RCBTB2: variants seen among roughly 807,000 people sequenced by gnomAD.
RCBTB2 encodes the protein RCC1 and BTB domain-containing protein 2.
A neutral mutation model predicts 65.4 loss-of-function variants in RCBTB2; 55 were observed. The observed-to-expected ratio is 0.84, with a 90% CI of 0.68 to 1.05. RCBTB2 has a LOEUF of 1.05. Ranked by LOEUF, RCBTB2 falls within the 50% of genes least tolerant of loss-of-function variation. RCBTB2 has a pLI of 0.00. For missense variants in RCBTB2, 599 were observed against 680.1 expected, an observed-to-expected ratio of 0.88 and a Z score of 1.33; for synonymous variants, 220 against 255.2, an observed-to-expected ratio of 0.86 and a Z score of 1.31.
At position 48,511,822 on chromosome 13, in the gene RCBTB2, T is replaced by G. The variant is rs779364315; in HGVS notation, c.731A>C (p.Asn244Thr). ...TGCCACTCTGCAAGGGGTTGGCTGG[T>G]TGCCACTGTTGCCGAGTCCAAGCTG... ...NGQLGLGNSG[N>T]QPTPCRVAAL... Residue 244 changes from asparagine to threonine, a missense_variant, in exon 9 of 15, where the codon AAC becomes ACC. Coordinates refer to ENST00000344532, the MANE Select transcript of RCBTB2 (RefSeq NM_001268.4). 1 of 1,614,202 alleles carries G rather than the reference T, an allele frequency of 6.2e-7. No homozygotes were observed. Among genetic ancestry groups the G allele is most frequent in the Non-Finnish European group, 8.5e-7 (1 of 1,180,038 alleles).
At chr13:48,515,471 C>T (rs1268002424) in intron 5 of RCBTB2, 115 bp downstream of exon 5, 1 of 1,370,214 alleles carries the variant, frequency 7.3e-7, no homozygotes, top group Admixed American at 2.3e-5. Flanking sequence ...ATAAATAAAA[C>T]CTAATTTCCA....
At position 48,510,691 on chromosome 13, in the gene RCBTB2, C is replaced by A. The variant is rs1271637290; in HGVS notation, c.864G>T (p.Gln288His). Residue 288 changes from glutamine to histidine, a missense_variant, in exon 10 of 15, where the codon CAG becomes CAT. Gln to His is a conservative substitution (Grantham distance 24, BLOSUM62 0). Transcript: ENST00000344532. ...GGTTGCTTTTATTGCCAGTGCCCAACTGCCCATAAGAATTGGCGCCCCAAG... is the reference window on the plus strand; with the variant it reads ...GGTTGCTTTTATTGCCAGTGCCCAAATGCCCATAAGAATTGGCGCCCCAAG... ...VYAWGANSYG[Q>H]LGTGNKSNQS... is the part of the protein sequence containing the mutation. 2 of 1,614,098 alleles carry A rather than the reference C, an allele frequency of 1.2e-6. No homozygotes were observed. Among genetic ancestry groups the A allele is most frequent in the African/African-American group, 2.7e-5 (2 of 74,920 alleles).
At chr13:48,515,840 G>A (rs1951057436) in intron 4 of RCBTB2, 99 bp from the exon 5 acceptor site, 3 of 1,197,146 alleles carry the variant, frequency 2.5e-6, no homozygotes, top group Non-Finnish European at 3.5e-6. Context: ...GTTTTGGGAG[G>A]AACACACTGC....
chr13:48,515,974 AAGGACAC>A (rs1235031230), intron 4 of RCBTB2, among the ~76,000 whole-genome samples: 1 of 152,210 alleles, frequency 6.6e-6, no homozygotes, highest in Non-Finnish European at 1.5e-5. Context: ...CATTGTCCTC[AAGGACAC>A]AGGAGTCATC....
chr13:48,521,912 C>T lies in RCBTB2; in HGVS notation c.28G>A (p.Gly10Arg), dbSNP rs769759923. The change falls in exon 4 of 15, where the codon GGA becomes AGA. Residue 10 changes from glycine to arginine, a missense_variant. Physicochemically the swap from Gly to Arg is moderately radical, Grantham distance 125 (BLOSUM62 -2). Coordinates refer to ENST00000344532, the MANE Select transcript of RCBTB2 (RefSeq NM_001268.4). The part of the protein sequence containing the change: MEEELPLFS[G>R]DSGKPVQATL... Reference sequence around the variant, plus strand: ...TTTTTTCTAACCTTGCCACTGTCTCCAGAGAAAAGAGGAAGTTCTTCTTCC... The same window carrying T: ...TTTTTTCTAACCTTGCCACTGTCTCTAGAGAAAAGAGGAAGTTCTTCTTCC... The T allele has an allele frequency of 6.8e-6, 11 of 1,613,616 alleles. No individual in the cohort carries two copies. The highest frequency in any genetic ancestry group is 1.7e-5 in the Admixed American group (1 of 59,992).
intron 2 of RCBTB2, among the ~76,000 whole-genome samples, chr13:48,524,085 T>C (rs1951571271): frequency 6.6e-6 from 1 of 152,116 alleles, no homozygotes; most frequent in African/African-American, 2.4e-5. Context: ...GTGTTTTGAA[T>C]TTTTTAGCAT....
At position 48,515,603 on chromosome 13, in the gene RCBTB2, T is replaced by C; in HGVS notation, c.181A>G (p.Thr61Ala). Residue 61 changes from threonine to alanine, a missense_variant, in exon 5 of 15, where the codon ACT becomes GCT. By Grantham distance (58) the Thr-to-Ala change is moderately conservative (BLOSUM62 0). Transcript: ENST00000344532. ...FGSAGNEVLY[T>A]TVNDEIFVLG... ...AAAATTACCTCATCATTTACTGTAGTGTATAAAACTTCATTGCCAGCACTG... is the reference window on the plus strand; with the variant it reads ...AAAATTACCTCATCATTTACTGTAGCGTATAAAACTTCATTGCCAGCACTG... 6.2e-7 allele frequency: 1 copy of C among 1,606,614 alleles called. No homozygotes were observed. The highest frequency in any genetic ancestry group is 8.5e-7 in the Non-Finnish European group (1 of 1,177,960).
intron 1 of RCBTB2, 76 bp from the exon 2 acceptor site, chr13:48,524,833 A>C (rs1951618182): frequency 6.6e-6 from 1 of 152,182 alleles, no homozygotes; most frequent in Non-Finnish European, 1.5e-5. Context: ...TGCACATTTA[A>C]CAATCCATTC....
chr13:48,512,023 G>A lies in RCBTB2; in HGVS notation c.668C>T (p.Thr223Met), dbSNP rs759646007. ...GQMCCMAVVD[T>M]GEVYVWGYNG... ...GTAAAATAACTTCCTTACCTCCCCC[G>A]TGTCTACTACTGCCATGCAGCACAT... Residue 223 changes from threonine (T) to methionine (M), a missense_variant, in exon 8 of 15, where the codon ACG becomes ATG. By Grantham distance (81) the Thr-to-Met change is moderately conservative (BLOSUM62 -1). Coordinates refer to ENST00000344532, the MANE Select transcript of RCBTB2 (RefSeq NM_001268.4). 3.1e-5 allele frequency: 50 copies of A among 1,613,510 alleles called. No homozygotes were observed. Among genetic ancestry groups the A allele is most frequent in the South Asian group, 2.3e-4 (21 of 91,072 alleles).
intron 1 of RCBTB2, 153 bp downstream of exon 1, chr13:48,532,875 G>A (rs1471856838): frequency 5.0e-6 from 2 of 398,422 alleles, no homozygotes; most frequent in African/African-American, 2.1e-5. Context: ...GCACGGTCGC[G>A]GCTCTAGTCC....
At position 48,512,119 on chromosome 13, in the gene RCBTB2, T is replaced by G; in HGVS notation, c.572A>C (p.Asn191Thr). The change falls in exon 8 of 15, where the codon AAT becomes ACT. Residue 191 changes from asparagine (N) to threonine (T), a missense_variant. By Grantham distance (65) the Asn-to-Thr change is moderately conservative. Transcript: ENST00000344532. ...SGQVGSGSTV[N>T]QPIPRRVTGC... is the part of the protein sequence containing the mutation. Reference sequence around the variant, plus strand: ...AGTGACTCTTCGAGGGATTGGCTGATTAACTGTTGATCCAGATCCTACCTG... The same window carrying G: ...AGTGACTCTTCGAGGGATTGGCTGAGTAACTGTTGATCCAGATCCTACCTG... The G allele has an allele frequency of 1.2e-6, 2 of 1,614,236 alleles. No individual in the cohort carries two copies. The highest frequency in any genetic ancestry group is 1.7e-6 in the Non-Finnish European group (2 of 1,180,014).
chr13:48,507,225 A>G (rs563873438), intron 10 of RCBTB2, among the ~76,000 whole-genome samples: 2 of 152,368 alleles, frequency 1.3e-5, no homozygotes. Context: ...TAGCTGCTAC[A>G]GGAATGAGAA....
At chr13:48,534,878 A>G (rs1566356360), upstream of RCBTB2, among the ~76,000 whole-genome samples, 1 of 152,226 alleles carries the variant, frequency 6.6e-6, no homozygotes, top group Non-Finnish European at 1.5e-5. Flanking sequence ...TAAAGTTCCC[A>G]TCACCACATC....
chr13:48,508,412 G>A (rs1044455372), intron 10 of RCBTB2, among the ~76,000 whole-genome samples: 3 of 143,720 alleles, frequency 2.1e-5, no homozygotes, highest in African/African-American at 5.1e-5. Context: ...ATTCATCCAT[G>A]TTTTTTTTTT....
chr13:48,523,644 GAAGA>G (rs1951544516), intron 2 of RCBTB2, among the ~76,000 whole-genome samples: 1 of 152,150 alleles, frequency 6.6e-6, no homozygotes, highest in African/African-American at 2.4e-5. Flanking sequence ...AAGGAGAGGA[GAAGA>G]AAGAGGGAGA....
intron 6 of RCBTB2, among the ~76,000 whole-genome samples, chr13:48,514,888 G>GC (rs1056322452): frequency 1.1e-4 from 16 of 152,170 alleles, no homozygotes; most frequent in African/African-American, 3.6e-4. Flanking sequence ...TTGGCGGGGG[G>GC]ATGTTGGACA....
chr13:48,499,142 A>ACACACACACACTCT (rs1366425462), intron 13 of RCBTB2, among the ~76,000 whole-genome samples: 20 of 132,288 alleles, frequency 1.5e-4, no homozygotes, highest in South Asian at 9.7e-4. Flanking sequence ...ACACACACAC[A>ACACACACACACTCT]CTCTCTCTCT....
intron 2 of RCBTB2, among the ~76,000 whole-genome samples, chr13:48,523,442 G>A (rs573715258): frequency 6.6e-6 from 1 of 152,266 alleles, no homozygotes; most frequent in African/African-American, 2.4e-5. Context: ...AAGGGCAGAC[G>A]ATTCCTTCAT....
rs533899325 is a variant in RCBTB2, at chr13:48,531,754, C to G, written c.-219+1274G>C. ...ACGTTTCACCTAGAATACTCATTCT[C>G]TGAGCCTAAGTGGCTCTTCTATTCC... On this transcript the variant is annotated intron_variant, in intron 1 of 14. Coordinates refer to ENST00000344532, the MANE Select transcript of RCBTB2 (RefSeq NM_001268.4). Among the ~76,000 whole-genome samples, 8 of 152,354 alleles carry G rather than the reference C, an allele frequency of 5.3e-5. No individual in the cohort carries two copies. The South Asian group carries it at 1.7e-3, about 32-fold the overall frequency.
Sources: gnomAD v4.1 joint callset for allele counts (sites outside exome capture counted in the v4.1 genomes callset) on GRCh38, gnomAD v4.1.1 for gene constraint, MANE v1.5 for transcripts, NCBI Gene and HGNC (gene_info 2026-07-23, HGNC 2026-07-21) for gene names.